The following CDH13 variants were observed in gnomAD, a reference collection of about 807,000 sequenced individuals.
The protein encoded by CDH13 is cadherin-13.
In CDH13, 24 loss-of-function variants were observed where a neutral mutation model predicts 63.8. The observed-to-expected ratio is 0.38, with a 90% CI of 0.27 to 0.53. The LOEUF is 0.53. CDH13 is among the 20% of genes least tolerant of loss of function. The probability of loss-of-function intolerance (pLI) is 0.85; values close to 1 mark genes in which losing one functional copy is unlikely to be tolerated. For missense variants in CDH13, 1,049 were observed against 903.1 expected, an observed-to-expected ratio of 1.16 and a Z score of -2.07; for synonymous variants, 503 against 355.3, an observed-to-expected ratio of 1.42 and a Z score of -4.67.
At chr16:82,767,515 A>C (rs1298657437) in intron 1 of CDH13, among the ~76,000 whole-genome samples, 1 of 152,204 alleles carries the variant, frequency 6.6e-6, no homozygotes, top group Admixed American at 6.5e-5. Flanking sequence ...TGTTTGTAGA[A>C]GTCTAGCTTA....
At chr16:82,812,424 G>GT (rs2037494615) in intron 1 of CDH13, among the ~76,000 whole-genome samples, 1 of 152,144 alleles carries the variant, frequency 6.6e-6, no homozygotes, top group Non-Finnish European at 1.5e-5. Flanking sequence ...GCCAGCAGAG[G>GT]TGGAGGAGCC....
chr16:83,680,265 C>G (rs549065996), intron 10 of CDH13, among the ~76,000 whole-genome samples: 1 of 152,188 alleles, frequency 6.6e-6, no homozygotes, highest in Non-Finnish European at 1.5e-5. Context: ...CAGGGCAGCT[C>G]TGCCTTGCTG....
At position 83,707,836 on chromosome 16, in the gene CDH13, C is replaced by CAAAAAAAAAAAAAAA. The variant is rs61067563; in HGVS notation, c.1538+29383_1538+29397dup. Among the ~76,000 whole-genome samples the CAAAAAAAAAAAAAAA allele has an allele frequency of 2.7e-3, 212 of 78,836 alleles. 17 individuals carry two copies. The highest frequency in any genetic ancestry group is 3.5e-3 in the Non-Finnish European group (152 of 43,008). The allele number at this position is 78,836 out of a possible 152,430, so 51.7% of individuals were successfully genotyped here. A position where few individuals can be genotyped will look rare whatever the true frequency, so the allele number is the denominator to read the frequency against. Reference sequence around the variant, plus strand: ...CATCTTTGGTGAGAGACCCTAAAGGCAAAAAAAAAAAAAAAAAAAAAAGAG... The same window carrying CAAAAAAAAAAAAAAA: ...CATCTTTGGTGAGAGACCCTAAAGGCAAAAAAAAAAAAAAAAAAAAAAAAAAAAAAAAAAAAAGAG... On this transcript the variant is annotated intron_variant, in intron 10 of 13. Transcript: ENST00000567109.
intron 2 of CDH13, among the ~76,000 whole-genome samples, chr16:82,974,054 C>T (rs1909157090): frequency 6.6e-6 from 1 of 152,082 alleles, no homozygotes; most frequent in South Asian, 2.1e-4. Flanking sequence ...CAAGTAATCC[C>T]TGGGATTACG....
At chr16:82,706,651 A>C (rs1226348815) in intron 1 of CDH13, among the ~76,000 whole-genome samples, 1 of 151,742 alleles carries the variant, frequency 6.6e-6, no homozygotes, top group Non-Finnish European at 1.5e-5. Flanking sequence ...AAAAAAAAAA[A>C]ACATTAGCCA....
intron 1 of CDH13, among the ~76,000 whole-genome samples, chr16:82,815,083 T>A (rs1022543337): frequency 8.5e-5 from 13 of 152,106 alleles, no homozygotes; most frequent in Admixed American, 3.3e-4. Context: ...TTTTTTCTTA[T>A]CCATTATACC....
chr16:82,683,021 G>A lies in CDH13; in HGVS notation c.45+55884G>A, dbSNP rs377408279. Reference sequence around the variant, plus strand: ...TTCAAGTTCCAGCCCCCACTTATCAGCTTTCTGAACTTAGCCAAGTTATTC... The same window carrying A: ...TTCAAGTTCCAGCCCCCACTTATCAACTTTCTGAACTTAGCCAAGTTATTC... On this transcript the variant is annotated intron_variant, in intron 1 of 13. Transcript: ENST00000567109. Among the ~76,000 whole-genome samples the A allele has an allele frequency of 6.6e-5, 10 of 152,230 alleles. No homozygotes were observed. In the South Asian group the frequency reaches 1.5e-3, roughly 22 times the overall value.
rs960259482 is a variant in CDH13 at position 83,775,068 on chromosome 16, T to G, written c.1682-4900T>G. On this transcript the variant is annotated intron_variant, in intron 11 of 13. Coordinates refer to ENST00000567109, the MANE Select transcript of CDH13 (RefSeq NM_001257.5). ...CTTTCATGGTTAAAATGAGAGCCTGTAAGACTCAAGCTATGTAATAAAAAT... is the reference window on the plus strand; with the variant it reads ...CTTTCATGGTTAAAATGAGAGCCTGGAAGACTCAAGCTATGTAATAAAAAT... Among the ~76,000 whole-genome samples, 2 of 151,842 alleles carry G rather than the reference T, an allele frequency of 1.3e-5. 1 individual carries two copies. Among genetic ancestry groups the G allele is most frequent in the Admixed American group, 1.3e-4 (2 of 15,006 alleles).
At chr16:82,629,838 G>C (rs1435664907) in intron 1 of CDH13, among the ~76,000 whole-genome samples, 1 of 152,216 alleles carries the variant, frequency 6.6e-6, no homozygotes, top group Non-Finnish European at 1.5e-5. Flanking sequence ...CCTATGATAA[G>C]TAATGACTGT....
intron 4 of CDH13, among the ~76,000 whole-genome samples, chr16:83,199,502 G>A (rs953455289): frequency 6.6e-6 from 1 of 152,102 alleles, no homozygotes; most frequent in East Asian, 1.9e-4. Context: ...CTGCATTTGT[G>A]AAGTTAAAAA....
intron 6 of CDH13, among the ~76,000 whole-genome samples, chr16:83,431,308 T>C (rs1277280777): frequency 6.6e-6 from 1 of 152,008 alleles, no homozygotes; most frequent in African/African-American, 2.4e-5. Context: ...AATTGTTGCA[T>C]AGTTGGCTGC....
intron 3 of CDH13, among the ~76,000 whole-genome samples, chr16:83,041,647 C>G: frequency 6.6e-6 from 1 of 152,252 alleles, no homozygotes; most frequent in South Asian, 2.1e-4. Flanking sequence ...TTTCTACACA[C>G]ATACATTCAT....
intron 2 of CDH13, among the ~76,000 whole-genome samples, chr16:82,965,258 C>T (rs369215859): frequency 1.3e-5 from 2 of 152,288 alleles, no homozygotes; most frequent in South Asian, 2.1e-4. Flanking sequence ...CCTCCCCACA[C>T]GATCTCTCCA....
intron 4 of CDH13, among the ~76,000 whole-genome samples, chr16:83,195,750 T>C (rs925718081): frequency 1.3e-5 from 2 of 152,090 alleles, no homozygotes; most frequent in Admixed American, 1.3e-4. Context: ...CAAGATAGCA[T>C]GATACAGCAG....
intron 1 of CDH13, among the ~76,000 whole-genome samples, chr16:82,853,946 G>T (rs1386018937): frequency 6.6e-6 from 1 of 152,196 alleles, no homozygotes; most frequent in Non-Finnish European, 1.5e-5. Flanking sequence ...GAAAGGGCTT[G>T]CCTGGTTTTG....
At chr16:83,558,652 A>C (rs951981702) in intron 7 of CDH13, among the ~76,000 whole-genome samples, 10 of 152,134 alleles carry the variant, frequency 6.6e-5, no homozygotes, top group Non-Finnish European at 1.3e-4. Context: ...TTTTTTTTCA[A>C]AAGCTAAATT....
chr16:83,213,939 T>C (rs1023844924), intron 4 of CDH13, among the ~76,000 whole-genome samples: 7 of 152,130 alleles, frequency 4.6e-5, no homozygotes, highest in African/African-American at 1.7e-4. Context: ...ATCTGCACTC[T>C]GTGGCTCGCT....
intron 2 of CDH13, chr16:82,884,108 C>T (rs1376200554): frequency 4.5e-6 from 2 of 445,698 alleles, no homozygotes; most frequent in Non-Finnish European, 9.0e-6. Context: ...TGAATAAATA[C>T]AAATATTGTT....
At chr16:83,768,309 C>G (rs1914535578) in intron 11 of CDH13, among the ~76,000 whole-genome samples, 2 of 152,172 alleles carry the variant, frequency 1.3e-5, no homozygotes, top group South Asian at 4.2e-4. Flanking sequence ...AGTGGAAATC[C>G]TGTTTGGTCA....
Sources: gnomAD v4.1 joint callset for allele counts (sites outside exome capture counted in the v4.1 genomes callset) on GRCh38, gnomAD v4.1.1 for gene constraint, MANE v1.5 for transcripts, NCBI Gene and HGNC (gene_info 2026-07-23, HGNC 2026-07-21) for gene names.